The following BCL2 variants were observed in gnomAD, a reference collection of about 807,000 sequenced individuals.
BCL2 encodes apoptosis regulator Bcl-2.
BCL2 carries 1 observed loss-of-function variant against 14.2 expected under a neutral mutation model. That is an observed-to-expected ratio of 0.07 (90% CI 0.02 to 0.33). BCL2 has a LOEUF of 0.33. Ranked by LOEUF, BCL2 falls within the 10% of genes least tolerant of loss-of-function variation. The pLI is 0.99. For missense variants in BCL2, 247 were observed against 305.9 expected (o/e 0.81, Z 1.44); for synonymous variants, 151 against 137.2 (o/e 1.10, Z -0.70).
chr18:63,192,677 AGCACTTGCCATT>A (rs150459713), intron 2 of BCL2, among the ~76,000 whole-genome samples: 75 of 152,308 alleles, frequency 4.9e-4, no homozygotes, highest in African/African-American at 1.7e-3. Flanking sequence ...CCACGGCCAC[AGCACTTGCCATT>A]GCATCAGCTC....
chr18:63,144,535 G>A lies in BCL2; in HGVS notation c.586-15776C>T, dbSNP rs148633934. ...GAAAAGACATACAAGATCCAACTCC[G>A]GCTCCCCCGGAGCAATAAATATGAG... On this transcript the variant is annotated intron_variant, in intron 2 of 2. Coordinates refer to ENST00000333681, the MANE Select transcript of BCL2 (RefSeq NM_000633.3). Among the ~76,000 whole-genome samples the A allele has an allele frequency of 6.6e-4, 100 of 151,970 alleles. No homozygotes were observed. The East Asian group carries it at 0.013, about 20-fold the overall frequency.
chr18:63,213,492 A>G (rs1460443396), intron 2 of BCL2, among the ~76,000 whole-genome samples: 1 of 151,716 alleles, frequency 6.6e-6, no homozygotes, highest in Non-Finnish European at 1.5e-5. Context: ...TAAACCACAG[A>G]GCAACTGGGT....
At chr18:63,170,397 T>C (rs1044238936) in intron 2 of BCL2, among the ~76,000 whole-genome samples, 1 of 152,198 alleles carries the variant, frequency 6.6e-6, no homozygotes, top group African/African-American at 2.4e-5. Flanking sequence ...TGTTCAATGT[T>C]AGCAACTCGT....
At chr18:63,259,033 T>C (rs1911572615) in intron 2 of BCL2, among the ~76,000 whole-genome samples, 1 of 152,262 alleles carries the variant, frequency 6.6e-6, no homozygotes, top group Non-Finnish European at 1.5e-5. Flanking sequence ...CATCACATTT[T>C]ATTGAACCCA....
chr18:63,279,259 T>C (rs1912241694), intron 2 of BCL2, among the ~76,000 whole-genome samples: 1 of 152,004 alleles, frequency 6.6e-6, no homozygotes, highest in Non-Finnish European at 1.5e-5. Context: ...AAAAGACAAG[T>C]CACAAAATGG....
intron 2 of BCL2, chr18:63,151,411 G>A (rs1251288724): frequency 1.3e-5 from 2 of 150,960 alleles, no homozygotes; most frequent in African/African-American, 4.9e-5. Context: ...AAGCAAGAAT[G>A]TCCTGGTGGC....
chr18:63,315,962 T>C (rs1212852134), intron 2 of BCL2: 7 of 152,614 alleles, frequency 4.6e-5, no homozygotes, highest in African/African-American at 1.7e-4. Flanking sequence ...CCATCTGTGC[T>C]TCTACATGAT....
At chr18:63,279,497 C>T (rs1048685613) in intron 2 of BCL2, among the ~76,000 whole-genome samples, 4 of 152,168 alleles carry the variant, frequency 2.6e-5, no homozygotes, top group Admixed American at 2.6e-4. Context: ...GCCAGAATGG[C>T]TAAAATTAAA....
intron 2 of BCL2, among the ~76,000 whole-genome samples, chr18:63,148,620 G>A (rs546313248): frequency 6.6e-6 from 1 of 151,390 alleles, no homozygotes; most frequent in Non-Finnish European, 1.5e-5. Flanking sequence ...AAGTGGCAAC[G>A]AATTTCCCTG....
At chr18:63,210,175 G>A (rs921751669) in intron 2 of BCL2, among the ~76,000 whole-genome samples, 1 of 152,144 alleles carries the variant, frequency 6.6e-6, no homozygotes. Context: ...AGGACTTCGG[G>A]GTCCTAAGTA....
intron 2 of BCL2, among the ~76,000 whole-genome samples, chr18:63,236,501 A>C (rs1300574439): frequency 6.6e-6 from 1 of 152,214 alleles, no homozygotes; most frequent in African/African-American, 2.4e-5. Flanking sequence ...TACTTAATAC[A>C]GGGAACTGGA....
chr18:63,230,455 G>A (rs1051423287), intron 2 of BCL2, among the ~76,000 whole-genome samples: 3 of 151,982 alleles, frequency 2.0e-5, no homozygotes, highest in African/African-American at 4.8e-5. Flanking sequence ...TCCACACATG[G>A]TTAAAGTAGC....
At chr18:63,278,935 A>G (rs190787435) in intron 2 of BCL2, among the ~76,000 whole-genome samples, 11 of 152,294 alleles carry the variant, frequency 7.2e-5, no homozygotes, top group African/African-American at 2.6e-4. Flanking sequence ...AGCGCATTAG[A>G]AAAAAAGATG....
chr18:63,270,710 C>G (rs1404368159), intron 2 of BCL2, among the ~76,000 whole-genome samples: 2 of 152,100 alleles, frequency 1.3e-5, no homozygotes, highest in Non-Finnish European at 2.9e-5. Context: ...AATTTTGAAC[C>G]ATGATAACAT....
intron 2 of BCL2, among the ~76,000 whole-genome samples, chr18:63,152,249 G>A (rs1914668803): frequency 6.6e-6 from 1 of 152,178 alleles, no homozygotes; most frequent in Non-Finnish European, 1.5e-5. Context: ...TTAGAAACAT[G>A]CATTTGACAC....
chr18:63,302,708 A>AG (rs1280353515), intron 2 of BCL2: 6 of 985,104 alleles, frequency 6.1e-6, no homozygotes, highest in African/African-American at 1.7e-5. Flanking sequence ...ATGAGAAAGT[A>AG]GGGGGGAAAA....
intron 2 of BCL2, among the ~76,000 whole-genome samples, chr18:63,164,897 T>G (rs1915006310): frequency 6.6e-6 from 1 of 152,152 alleles, no homozygotes; most frequent in Non-Finnish European, 1.5e-5. Context: ...AAGAATATTT[T>G]TCACAATAGC....
In BCL2 at chr18:63,126,807, C is replaced by T. The variant is rs1913921962; in HGVS notation, c.*1818G>A. 1.8e-5 allele frequency: 4 copies of T among 227,266 alleles called. No individual in the cohort carries two copies. The Admixed American group carries it at 2.3e-4, about 13-fold the overall frequency. The allele number at this position is 227,266 out of a possible 1,614,324, so 14.1% of individuals were successfully genotyped here. A position where few individuals can be genotyped will look rare whatever the true frequency, so the allele number is the denominator to read the frequency against. On this transcript the variant is annotated 3_prime_UTR_variant, in exon 3 of 3. Coordinates refer to ENST00000333681, the MANE Select transcript of BCL2 (RefSeq NM_000633.3). ...TTAAAAACAAAAAAACGCTGAGATG[C>T]ATGTATTTTTTTAAAGCAGCTTTCG...
intron 2 of BCL2, among the ~76,000 whole-genome samples, chr18:63,310,658 G>GT (rs1184045068): frequency 3.3e-5 from 5 of 152,030 alleles, no homozygotes; most frequent in Non-Finnish European, 5.9e-5. Flanking sequence ...CTCAATAAAT[G>GT]TTTTTTTCAA....
Sources: gnomAD v4.1 joint callset for allele counts (sites outside exome capture counted in the v4.1 genomes callset) on GRCh38, gnomAD v4.1.1 for gene constraint, MANE v1.5 for transcripts, NCBI Gene and HGNC (gene_info 2026-07-23, HGNC 2026-07-21) for gene names.